SAMD3: variants seen among roughly 807,000 people sequenced by gnomAD.
SAMD3 encodes sterile alpha motif domain containing 3.
SAMD3 carries 63 observed loss-of-function variants against 58.5 expected under a neutral mutation model. The observed-to-expected ratio is 1.08, with a 90% CI of 0.88 to 1.33. The LOEUF (loss-of-function observed/expected upper bound fraction) is 1.33. Ranked by LOEUF, SAMD3 falls within the 40% of genes most tolerant of loss-of-function variation. The pLI is 0.00. For missense variants in SAMD3, 604 were observed against 608.4 expected (o/e 0.99, Z 0.08); for synonymous variants, 220 against 210.3 (o/e 1.05, Z -0.40).
At chr6:130,172,117 T>TG (rs1419098189) in intron 8 of SAMD3, among the ~76,000 whole-genome samples, 2 of 152,210 alleles carry the variant, frequency 1.3e-5, no homozygotes, top group Non-Finnish European at 2.9e-5. Context: ...GCACCTGAGA[T>TG]GGGTCTCCTG....
intron 5 of SAMD3, among the ~76,000 whole-genome samples, chr6:130,197,847 C>T (rs1204139024): frequency 6.6e-6 from 1 of 152,134 alleles, no homozygotes; most frequent in African/African-American, 2.4e-5. Context: ...CAAGCTAAGC[C>T]ATCATATTCC....
intron 2 of SAMD3, among the ~76,000 whole-genome samples, chr6:130,272,159 G>A (rs1278637309): frequency 1.3e-5 from 2 of 152,068 alleles, no homozygotes; most frequent in Non-Finnish European, 2.9e-5. Flanking sequence ...AGTTATTTTT[G>A]TGAAAAGAGT....
intron 1 of SAMD3, among the ~76,000 whole-genome samples, chr6:130,319,953 A>G (rs76724454): frequency 0.033 from 4,998 of 152,166 alleles, 115 homozygotes; most frequent in Non-Finnish European, 0.044. Context: ...AGATCAATAA[A>G]AAGTTTCCAA....
chr6:130,185,822 G>T (rs545819122), intron 5 of SAMD3, among the ~76,000 whole-genome samples: 1 of 151,982 alleles, frequency 6.6e-6, no homozygotes, highest in South Asian at 2.1e-4. Context: ...TGTGGAGATG[G>T]GGTCTCACTA....
chr6:130,280,392 C>T (rs1774938569), intron 2 of SAMD3, among the ~76,000 whole-genome samples: 1 of 152,276 alleles, frequency 6.6e-6, no homozygotes, highest in East Asian at 1.9e-4. Flanking sequence ...AATTTATTTT[C>T]CTGTCCCCTC....
chr6:130,254,903 A>G (rs2114914536), intron 2 of SAMD3, among the ~76,000 whole-genome samples: 1 of 152,234 alleles, frequency 6.6e-6, no homozygotes, highest in East Asian at 1.9e-4. Flanking sequence ...TGTTTATTTT[A>G]TATCTTTCTT....
chr6:130,187,906 G>A (rs975702217), intron 5 of SAMD3, among the ~76,000 whole-genome samples: 2 of 152,130 alleles, frequency 1.3e-5, no homozygotes. Flanking sequence ...AATCAACTAG[G>A]AAGCTTTTAA....
intron 2 of SAMD3, among the ~76,000 whole-genome samples, chr6:130,294,181 A>G (rs151297625): frequency 6.6e-6 from 1 of 152,332 alleles, no homozygotes; most frequent in African/African-American, 2.4e-5. Flanking sequence ...GAGACTGCTT[A>G]CTTAACAGGA....
At chr6:130,364,638 A>G (rs1778080624) in intron 1 of SAMD3, among the ~76,000 whole-genome samples, 1 of 151,824 alleles carries the variant, frequency 6.6e-6, no homozygotes, top group Non-Finnish European at 1.5e-5. Context: ...TAAAAATAAA[A>G]CCACAGATGG....
At chr6:130,229,853 A>G (rs1032526301) in intron 2 of SAMD3, among the ~76,000 whole-genome samples, 1 of 152,224 alleles carries the variant, frequency 6.6e-6, no homozygotes, top group Admixed American at 6.5e-5. Flanking sequence ...AAGGAAGCTC[A>G]AAGCAAAAGA....
At chr6:130,228,534 A>G (rs1796450474) in intron 2 of SAMD3, among the ~76,000 whole-genome samples, 1 of 152,118 alleles carries the variant, frequency 6.6e-6, no homozygotes, top group Admixed American at 6.6e-5. Flanking sequence ...ATATCTGTCC[A>G]ATTACATGAG....
At chr6:130,147,827 G>A (rs917944264) in intron 9 of SAMD3, among the ~76,000 whole-genome samples, 9 of 152,114 alleles carry the variant, frequency 5.9e-5, no homozygotes, top group African/African-American at 1.7e-4. Flanking sequence ...TTTCCTTGAC[G>A]GTTTCTGAAA....
intron 5 of SAMD3, among the ~76,000 whole-genome samples, chr6:130,187,339 TATACTGC>T: frequency 6.6e-6 from 1 of 152,210 alleles, no homozygotes; most frequent in East Asian, 1.9e-4. Context: ...GGGCGGAGAC[TATACTGC>T]ATGGTATTAT....
chr6:130,231,063 C>T (rs1049854279), intron 2 of SAMD3, among the ~76,000 whole-genome samples: 12 of 151,936 alleles, frequency 7.9e-5, no homozygotes, highest in East Asian at 3.9e-4. Flanking sequence ...ATGGGTGCAA[C>T]ATATTTTGAT....
intron 2 of SAMD3, among the ~76,000 whole-genome samples, chr6:130,243,100 A>G (rs1369410405): frequency 6.6e-6 from 1 of 152,194 alleles, no homozygotes; most frequent in Non-Finnish European, 1.5e-5. Flanking sequence ...CAAGAGCCTC[A>G]TCTTTCTTTC....
At chr6:130,212,984 C>T (rs528645116) in intron 4 of SAMD3, among the ~76,000 whole-genome samples, 1 of 152,250 alleles carries the variant, frequency 6.6e-6, no homozygotes, top group Admixed American at 6.5e-5. Flanking sequence ...AGAAATCCTT[C>T]AAATAAATTG....
chr6:130,173,190 G>A (rs548901034), intron 8 of SAMD3, among the ~76,000 whole-genome samples: 13 of 152,056 alleles, frequency 8.5e-5, no homozygotes, highest in Admixed American at 3.3e-4. Flanking sequence ...TTCTGAAGCC[G>A]TCATCAATCT....
At chr6:130,359,912 T>A (rs931629722) in intron 1 of SAMD3, among the ~76,000 whole-genome samples, 2 of 152,188 alleles carry the variant, frequency 1.3e-5, no homozygotes, top group African/African-American at 4.8e-5. Flanking sequence ...TGAGTCATGT[T>A]TTATGAGTGC....
chr6:130,144,924 T>A lies in SAMD3; in HGVS notation c.1279-120A>T, dbSNP rs111971636. 3.2e-4 allele frequency: 316 copies of A among 998,752 alleles called. No individual in the cohort carries two copies. In the African/African-American group the frequency reaches 4.4e-3, roughly 14 times the overall value. 61.9% of individuals were successfully genotyped at this position (998,752 alleles called of 1,614,324 possible). A position where few individuals can be genotyped will look rare whatever the true frequency, so the allele number is the denominator to read the frequency against. The stretch of plus-strand genomic sequence containing the variant: ...TTGCAATGTAGCATATTTGTAAATA[T>A]GACAAACATACTTCAAAATAGACCA... On this transcript the variant is annotated intron_variant, in intron 11 of 11. Coordinates refer to ENST00000439090, the MANE Select transcript of SAMD3 (RefSeq NM_001017373.4).
Sources: gnomAD v4.1 joint callset for allele counts (sites outside exome capture counted in the v4.1 genomes callset) on GRCh38, gnomAD v4.1.1 for gene constraint, MANE v1.5 for transcripts, NCBI Gene and HGNC (gene_info 2026-07-23, HGNC 2026-07-21) for gene names.